DGKB: variants seen among roughly 807,000 people sequenced by gnomAD.
DGKB encodes diacylglycerol kinase beta, also known as 90 kDa diacylglycerol kinase.
A neutral mutation model predicts 114.3 loss-of-function variants in DGKB; 67 were observed. That is an observed-to-expected ratio of 0.59 (90% CI 0.48 to 0.72). The LOEUF is 0.72. Among genes scored for constraint, DGKB ranks in the 30% least tolerant of loss-of-function variants. The probability of loss-of-function intolerance (pLI) is 0.00; values close to 1 mark genes in which losing one functional copy is unlikely to be tolerated. For synonymous variants in DGKB, 398 were observed against 323.1 expected, an observed-to-expected ratio of 1.23 and a Z score of -2.49; for missense variants, 907 against 975.2, an observed-to-expected ratio of 0.93 and a Z score of 0.93.
chr7:14,373,655 C>G (rs1818030051), intron 21 of DGKB, among the ~76,000 whole-genome samples: 1 of 152,098 alleles, frequency 6.6e-6, no homozygotes, highest in Non-Finnish European at 1.5e-5. Context: ...TCACCTAGGA[C>G]TTCTTTTCTC....
chr7:14,696,660 C>A (rs1464823), intron 8 of DGKB, among the ~76,000 whole-genome samples: 146,372 of 152,264 alleles, frequency 0.96, 70,568 homozygotes, highest in East Asian at 1. Context: ...TTGTCGATTA[C>A]AAGGGCAACA....
At chr7:14,570,329 T>C (rs1798191933) in intron 20 of DGKB, among the ~76,000 whole-genome samples, 1 of 152,000 alleles carries the variant, frequency 6.6e-6, no homozygotes, top group South Asian at 2.1e-4. Context: ...TAGCTTTCCT[T>C]TTCAAGTTTT....
chr7:14,688,203 C>T lies in DGKB; in HGVS notation c.712-2841G>A, dbSNP rs147032396. 2.1e-4 allele frequency among the ~76,000 whole-genome samples: 32 copies of T among 152,188 alleles called. No individual in the cohort carries two copies. The East Asian group carries it at 6.0e-3, about 28-fold the overall frequency. On this transcript the variant is annotated intron_variant, in intron 9 of 25. Coordinates refer to ENST00000402815, the MANE Select transcript of DGKB (RefSeq NM_001350709.2). ...TTCTATCAGCCAGTAGAGCACATTC[C>T]TATTAGTCCTTCCACTGCAAATATA...
intron 13 of DGKB, among the ~76,000 whole-genome samples, chr7:14,660,572 T>A (rs1816833952): frequency 6.6e-6 from 1 of 151,796 alleles, no homozygotes; most frequent in Non-Finnish European, 1.5e-5. Context: ...GATATCCCCT[T>A]TATCATTTTT....
chr7:14,345,389 A>T lies in DGKB; in HGVS notation c.1838T>A (p.Met613Lys). The T allele has an allele frequency of 6.6e-7, 1 of 1,523,066 alleles. No individual in the cohort carries two copies. Among genetic ancestry groups the T allele is most frequent in the Non-Finnish European group, 8.9e-7 (1 of 1,127,236 alleles). 94.3% of individuals were successfully genotyped at this position (1,523,066 alleles called of 1,614,324 possible). Residue 613 changes from methionine to lysine, a missense_variant and splice_region_variant, in exon 22 of 26, where the codon ATG becomes AAG. Around this residue, in one of 3 missense-constraint regions of DGKB, gnomAD observed 814 missense variants for 856.6 expected, o/e 0.95. Coordinates refer to ENST00000402815, the MANE Select transcript of DGKB (RefSeq NM_001350709.2). The stretch of plus-strand genomic sequence containing the variant: ...CTCAAAATACCAAAATTTGTTCTTC[A>T]TTCTGAAAAAGAAAAGGAAGAAGCA... ...EKHPEKFNSR[M>K]KNKFWYFEFG... is the part of the protein sequence containing the mutation.
At chr7:14,863,738 C>G (rs2128184311) in intron 1 of DGKB, among the ~76,000 whole-genome samples, 2 of 152,108 alleles carry the variant, frequency 1.3e-5, no homozygotes, top group Non-Finnish European at 2.9e-5. Context: ...ATCACCACAT[C>G]AACTTTTCAT....
chr7:14,937,179 CAATT>C (rs1438915586), intron 1 of DGKB, among the ~76,000 whole-genome samples: 4 of 151,746 alleles, frequency 2.6e-5, no homozygotes, highest in Non-Finnish European at 5.9e-5. Context: ...ACGTATTAAT[CAATT>C]AATCTATTAC....
chr7:14,242,554 C>T lies in DGKB; in HGVS notation c.2123-64403G>A, dbSNP rs540439616. Reference sequence around the variant, plus strand: ...TCAGAATTCATTCAGTAATGCCACCCAGGCCCTTCAAAGCAATATCTTACA... The same window carrying T: ...TCAGAATTCATTCAGTAATGCCACCTAGGCCCTTCAAAGCAATATCTTACA... On this transcript the variant is annotated intron_variant, in intron 23 of 25. Transcript: ENST00000402815. Among the ~76,000 whole-genome samples, 29 of 152,260 alleles carry T rather than the reference C, an allele frequency of 1.9e-4. 2 individuals carry two copies. In the South Asian group the frequency reaches 5.8e-3, roughly 30 times the overall value.
intron 20 of DGKB, among the ~76,000 whole-genome samples, chr7:14,531,838 A>T (rs554741586): frequency 6.6e-6 from 1 of 151,510 alleles, no homozygotes; most frequent in East Asian, 1.9e-4. Context: ...ATAGGCATAT[A>T]AATAAATGAA....
intron 15 of DGKB, among the ~76,000 whole-genome samples, chr7:14,618,622 T>C (rs1024329968): frequency 7.3e-5 from 11 of 151,710 alleles, no homozygotes; most frequent in Non-Finnish European, 1.5e-4. Context: ...GTGTGAGCGA[T>C]GACAAAGACA....
intron 9 of DGKB, among the ~76,000 whole-genome samples, chr7:14,692,167 A>G (rs1822986559): frequency 6.6e-6 from 1 of 151,776 alleles, no homozygotes; most frequent in Non-Finnish European, 1.5e-5. Flanking sequence ...ATATATCAGC[A>G]GTAGTTTCCA....
intron 23 of DGKB, among the ~76,000 whole-genome samples, chr7:14,272,756 G>T (rs1798449379): frequency 6.6e-6 from 1 of 152,064 alleles, no homozygotes. Flanking sequence ...GCATATTGTT[G>T]GTTTTTAACT....
chr7:14,876,673 T>C (rs977456527), intron 1 of DGKB, among the ~76,000 whole-genome samples: 3 of 152,230 alleles, frequency 2.0e-5, no homozygotes, highest in Non-Finnish European at 2.9e-5. Context: ...TTGGTTGCTT[T>C]CCTGGACTCG....
chr7:14,354,031 G>A (rs540688298), intron 21 of DGKB, among the ~76,000 whole-genome samples: 7 of 152,280 alleles, frequency 4.6e-5, no homozygotes, highest in African/African-American at 7.2e-5. Context: ...ATAGACCAGT[G>A]AGTGGTAAGT....
intron 6 of DGKB, among the ~76,000 whole-genome samples, chr7:14,710,690 T>A (rs1169199899): frequency 6.6e-6 from 1 of 152,112 alleles, no homozygotes; most frequent in Non-Finnish European, 1.5e-5. Flanking sequence ...TCGCTAAGAA[T>A]TTTTGCTATT....
intron 13 of DGKB, among the ~76,000 whole-genome samples, chr7:14,662,785 T>A (rs1000000978): frequency 4.6e-5 from 7 of 151,952 alleles, no homozygotes; most frequent in African/African-American, 1.4e-4. Context: ...GTAATTTTAA[T>A]AGTGTTTCTA....
intron 14 of DGKB, 34 bp downstream of exon 14, chr7:14,630,201 AT>A: frequency 6.7e-7 from 1 of 1,486,140 alleles, no homozygotes. Context: ...ATGACCTATA[AT>A]TTTAAGTGTG....
Position 14,149,251 on chromosome 7 carries a change from A to G in DGKB, c.2305-13T>C, listed in dbSNP as rs1781821438. On this transcript the variant is annotated splice_polypyrimidine_tract_variant and intron_variant, in intron 25 of 25. Coordinates refer to ENST00000402815, the MANE Select transcript of DGKB (RefSeq NM_001350709.2). ...GTGTAATTTTTATCTAGAAAAAAAG[A>G]GAGAGAGAGAGAGAGAAAGAATAGA... is the stretch of plus-strand genomic sequence containing the variant. 1.3e-6 allele frequency: 2 copies of G among 1,537,034 alleles called. No individual in the cohort carries two copies. Among genetic ancestry groups the G allele is most frequent in the Non-Finnish European group, 1.8e-6 (2 of 1,119,030 alleles).
intron 21 of DGKB, among the ~76,000 whole-genome samples, chr7:14,390,348 A>T (rs1821124828): frequency 7.2e-5 from 11 of 152,220 alleles, no homozygotes; most frequent in Admixed American, 7.2e-4. Context: ...TTAATAATTT[A>T]AAAATGACTG....
Sources: allele counts gnomAD v4.1 joint callset (sites outside exome capture counted in the v4.1 genomes callset), GRCh38; gene constraint gnomAD v4.1.1; regional missense constraint gnomAD v4.1.1; transcripts MANE v1.5; gene names NCBI Gene and HGNC (gene_info 2026-07-23, HGNC 2026-07-21).